THADA: variants seen among roughly 807,000 people sequenced by gnomAD.
THADA encodes the protein THADA armadillo repeat containing.
THADA carries 213 observed loss-of-function variants against 219.8 expected under a neutral mutation model. The ratio of observed to expected loss-of-function variants is 0.97; its 90% confidence interval spans 0.87 to 1.09. The LOEUF (loss-of-function observed/expected upper bound fraction) is 1.09, where lower values mean the gene tolerates loss of function less well. Ranked by LOEUF, THADA falls within the 50% of genes least tolerant of loss-of-function variation. THADA has a pLI of 0.00. For missense variants in THADA, 2,956 were observed against 2,311.3 expected (o/e 1.28, Z -5.72); for synonymous variants, 1,018 against 828.9 (o/e 1.23, Z -3.92).
intron 30 of THADA, among the ~76,000 whole-genome samples, chr2:43,337,550 C>G (rs1666599996): frequency 6.6e-6 from 1 of 152,168 alleles, no homozygotes; most frequent in South Asian, 2.1e-4. Flanking sequence ...GTGGAGGTCT[C>G]TCACGCACTG....
chr2:43,330,785 C>G (rs1443867089), intron 30 of THADA, among the ~76,000 whole-genome samples: 1 of 152,230 alleles, frequency 6.6e-6, no homozygotes, highest in Non-Finnish European at 1.5e-5. Context: ...GGGCCCTTGG[C>G]AGCCCAAGGA....
chr2:43,326,652 G>A (rs1239122304), intron 30 of THADA, among the ~76,000 whole-genome samples: 1 of 152,146 alleles, frequency 6.6e-6, no homozygotes, highest in Non-Finnish European at 1.5e-5. Context: ...GGGATTAGCA[G>A]GAAATGATAT....
chr2:43,494,380 G>A (rs1259384175), intron 25 of THADA, among the ~76,000 whole-genome samples: 1 of 152,122 alleles, frequency 6.6e-6, no homozygotes. Context: ...TCAATAAAAT[G>A]TTAGGACCCG....
chr2:43,465,627 G>A (rs747466065), intron 26 of THADA, among the ~76,000 whole-genome samples: 3 of 152,220 alleles, frequency 2.0e-5, no homozygotes, highest in Non-Finnish European at 4.4e-5. Flanking sequence ...AATGTCTGCT[G>A]AGGGATCCTC....
At chr2:43,543,961 A>G (rs1356417540) in intron 20 of THADA, among the ~76,000 whole-genome samples, 1 of 152,036 alleles carries the variant, frequency 6.6e-6, no homozygotes, top group Non-Finnish European at 1.5e-5. Flanking sequence ...CTATGTCCTG[A>G]ATGGTAATGC....
chr2:43,287,305 T>C (rs546090501), intron 34 of THADA, among the ~76,000 whole-genome samples: 12 of 152,276 alleles, frequency 7.9e-5, no homozygotes, highest in Non-Finnish European at 1.8e-4. Context: ...AGTCTTTTTT[T>C]TTGGTTTGAG....
At chr2:43,334,249 G>A (rs978882117) in intron 30 of THADA, among the ~76,000 whole-genome samples, 19 of 152,098 alleles carry the variant, frequency 1.2e-4, no homozygotes, top group African/African-American at 3.9e-4. Flanking sequence ...GAAAGTGACT[G>A]GAGTATGGAT....
chr2:43,388,946 C>G (rs780080710), intron 29 of THADA, among the ~76,000 whole-genome samples: 1 of 152,148 alleles, frequency 6.6e-6, no homozygotes, highest in Non-Finnish European at 1.5e-5. Context: ...CCCCTCACCC[C>G]CCGCCCGTAG....
chr2:43,556,827 G>T (rs1396698691), intron 16 of THADA, among the ~76,000 whole-genome samples: 1 of 152,134 alleles, frequency 6.6e-6, no homozygotes, highest in Non-Finnish European at 1.5e-5. Context: ...CACTTTGGAA[G>T]GCCAAGATGG....
intron 29 of THADA, among the ~76,000 whole-genome samples, chr2:43,349,476 G>C (rs1188962706): frequency 5.3e-5 from 8 of 152,188 alleles, no homozygotes; most frequent in African/African-American, 1.9e-4. Flanking sequence ...AATATGTCTA[G>C]TTTATGCTGC....
At chr2:43,542,224 T>C (rs1004044665) in intron 20 of THADA, among the ~76,000 whole-genome samples, 4 of 152,098 alleles carry the variant, frequency 2.6e-5, no homozygotes, top group Non-Finnish European at 2.9e-5. Context: ...AAAAGCCCAA[T>C]GCATTAAATG....
intron 30 of THADA, among the ~76,000 whole-genome samples, chr2:43,326,402 T>C (rs72877376): frequency 0.024 from 3,600 of 152,196 alleles, 71 homozygotes; most frequent in African/African-American, 0.064. Context: ...ATGACATGTT[T>C]AGAGAATAAC....
chr2:43,251,849 G>GA (rs1669836256), intron 36 of THADA, among the ~76,000 whole-genome samples: 1 of 152,150 alleles, frequency 6.6e-6, no homozygotes, highest in South Asian at 2.1e-4. Context: ...AAGCTCTTAT[G>GA]AAAAAATAGT....
At chr2:43,538,648 A>C (rs1015572295) in intron 21 of THADA, 1 of 152,226 alleles carries the variant, frequency 6.6e-6, no homozygotes, top group African/African-American at 2.4e-5. Context: ...GCCATGTCAG[A>C]ACACAGGCTG....
intron 36 of THADA, chr2:43,277,408 C>T (rs1461219906): frequency 6.5e-6 from 1 of 152,892 alleles, no homozygotes; most frequent in East Asian, 1.9e-4. Context: ...TTGGCTCCAA[C>T]TTCTCTTTCT....
At position 43,230,913 on chromosome 2, in the gene THADA, C is replaced by G; in HGVS notation, c.*35G>C. On this transcript the variant is annotated 3_prime_UTR_variant, in exon 38 of 38. Transcript: ENST00000405975. ...CTGCAGATTTAGTGGAGGAAAAATCCACACATACCCCCATCCCAATCCCCC... is the reference window on the plus strand; with the variant it reads ...CTGCAGATTTAGTGGAGGAAAAATCGACACATACCCCCATCCCAATCCCCC... The G allele has an allele frequency of 6.5e-7, 1 of 1,533,710 alleles. No homozygotes were observed. Among genetic ancestry groups the G allele is most frequent in the Non-Finnish European group, 8.8e-7 (1 of 1,140,080 alleles).
chr2:43,580,991 T>G (rs1175591119), intron 8 of THADA, among the ~76,000 whole-genome samples: 2 of 152,076 alleles, frequency 1.3e-5, no homozygotes, highest in African/African-American at 4.8e-5. Context: ...TCTAAAGAGA[T>G]CCCATTAGCA....
chr2:43,276,036 AG>A lies in THADA; in HGVS notation c.5296+3728del, dbSNP rs144108050. Among the ~76,000 whole-genome samples the A allele has an allele frequency of 3.2e-3, 493 of 152,368 alleles. 4 individuals are homozygous for A. The highest frequency in any genetic ancestry group is 0.012 in the African/African-American group (479 of 41,592). On this transcript the variant is annotated intron_variant, in intron 36 of 37. Transcript: ENST00000405975. Reference sequence around the variant, plus strand: ...GAGCATCTCCTGCTCTTGTAGCATTAGAGCTCTTTCCTGAGCATTTCAAGGC... The same window carrying A: ...GAGCATCTCCTGCTCTTGTAGCATTAAGCTCTTTCCTGAGCATTTCAAGGC...
chr2:43,444,592 T>C (rs1326729477), intron 26 of THADA, among the ~76,000 whole-genome samples: 2 of 152,170 alleles, frequency 1.3e-5, no homozygotes, highest in Non-Finnish European at 2.9e-5. Flanking sequence ...CAATTTCTCA[T>C]AGAAACCCTG....
Sources: allele counts gnomAD v4.1 joint callset (sites outside exome capture counted in the v4.1 genomes callset), GRCh38; gene constraint gnomAD v4.1.1; transcripts MANE v1.5; gene names NCBI Gene and HGNC (gene_info 2026-07-23, HGNC 2026-07-21).